Variants in KCNN2 observed in about 807,000 individuals in gnomAD.
The protein encoded by KCNN2 is small conductance calcium-activated potassium channel protein 2.
KCNN2 carries 24 observed loss-of-function variants against 55.5 expected under a neutral mutation model. That is an observed-to-expected ratio of 0.43 (90% CI 0.31 to 0.61). KCNN2 has a LOEUF of 0.61. Among genes scored for constraint, KCNN2 ranks in the 20% least tolerant of loss-of-function variants. The probability of loss-of-function intolerance (pLI) is 0.08; values close to 1 mark genes in which losing one functional copy is unlikely to be tolerated. For synonymous variants in KCNN2, 431 were observed against 336.1 expected (o/e 1.28, Z -3.09); for missense variants, 754 against 853.6 (o/e 0.88, Z 1.45).
At chr5:114,063,460 C>T (rs1223493962) in intron 1 of KCNN2, among the ~76,000 whole-genome samples, 1 of 152,118 alleles carries the variant, frequency 6.6e-6, no homozygotes, top group East Asian at 1.9e-4. Flanking sequence ...TTTCTGGGTC[C>T]CACTCCCAGA....
chr5:114,070,604 C>T (rs557275853), intron 1 of KCNN2, among the ~76,000 whole-genome samples: 3 of 152,270 alleles, frequency 2.0e-5, no homozygotes, highest in East Asian at 1.9e-4. Context: ...GGTCCAGAAA[C>T]GTGTGTTGCC....
chr5:114,412,530 A>G (rs1356235688), intron 3 of KCNN2, among the ~76,000 whole-genome samples: 31 of 152,206 alleles, frequency 2.0e-4, no homozygotes, highest in Non-Finnish European at 1.5e-5. Flanking sequence ...GCCAGTTGTC[A>G]TGGAGGAAGG....
chr5:114,122,480 C>A (rs1751846134), intron 1 of KCNN2, among the ~76,000 whole-genome samples: 1 of 152,156 alleles, frequency 6.6e-6, no homozygotes, highest in South Asian at 2.1e-4. Context: ...AATCACTATA[C>A]CTTATACGAG....
chr5:114,477,616 T>C (rs1022988041), intron 5 of KCNN2, among the ~76,000 whole-genome samples: 1 of 152,194 alleles, frequency 6.6e-6, no homozygotes, highest in Non-Finnish European at 1.5e-5. Context: ...ATTTAATAGA[T>C]TTACAGTTTA....
In KCNN2 at chr5:114,363,936, C is replaced by A; in HGVS notation, c.1153C>A (p.Leu385Ile). The A allele has an allele frequency of 6.2e-7, 1 of 1,614,010 alleles. No individual in the cohort carries two copies. Among genetic ancestry groups the A allele is most frequent in the African/African-American group, 1.3e-5 (1 of 75,032 alleles). ...ASLYSLALKC[L>I]ISLSTIILLG... Reference sequence around the variant, plus strand: ...GCTGTATTCCTTAGCTCTGAAATGCCTTATCAGTCTCTCCACGATCATCCT... The same window carrying A: ...GCTGTATTCCTTAGCTCTGAAATGCATTATCAGTCTCTCCACGATCATCCT... The change falls in exon 2 of 8, where the codon CTT becomes ATT. Residue 385 changes from leucine to isoleucine, a missense_variant. Transcript: ENST00000673685.
At chr5:114,181,764 C>A (rs1364697033) in intron 1 of KCNN2, among the ~76,000 whole-genome samples, 2 of 152,114 alleles carry the variant, frequency 1.3e-5, no homozygotes, top group Non-Finnish European at 2.9e-5. Flanking sequence ...CGCCTGTAAT[C>A]CCAGCACTTT....
intron 1 of KCNN2, among the ~76,000 whole-genome samples, chr5:114,111,113 T>A (rs1166607690): frequency 1.3e-5 from 2 of 152,116 alleles, no homozygotes; most frequent in South Asian, 4.1e-4. Context: ...AACAGCATGG[T>A]ACTGTTACCA....
chr5:114,121,251 C>G (rs1751825490), intron 1 of KCNN2, among the ~76,000 whole-genome samples: 1 of 152,194 alleles, frequency 6.6e-6, no homozygotes, highest in Non-Finnish European at 1.5e-5. Flanking sequence ...GACTCAAATG[C>G]CAGGACTCTG....
At chr5:114,348,034 C>G (rs866973011) in intron 2 of KCNN2, among the ~76,000 whole-genome samples, 5 of 152,144 alleles carry the variant, frequency 3.3e-5, no homozygotes, top group Non-Finnish European at 7.4e-5. Context: ...GTCTTCTTGA[C>G]CACTGAGTCC....
At chr5:114,297,694 A>T (rs555073989) in intron 2 of KCNN2, among the ~76,000 whole-genome samples, 1 of 152,310 alleles carries the variant, frequency 6.6e-6, no homozygotes, top group South Asian at 2.1e-4. Flanking sequence ...TAAAAGAGTG[A>T]AACAATCTAA....
At chr5:114,356,374 GGTGTT>G (rs1470978770) in intron 2 of KCNN2, among the ~76,000 whole-genome samples, 1 of 152,096 alleles carries the variant, frequency 6.6e-6, no homozygotes, top group African/African-American at 2.4e-5. Context: ...TCTAGATTTG[GGTGTT>G]GTGTTTCTAG....
chr5:114,209,620 G>A (rs1042089713), intron 1 of KCNN2, among the ~76,000 whole-genome samples: 1 of 152,070 alleles, frequency 6.6e-6, no homozygotes, highest in Non-Finnish European at 1.5e-5. Context: ...GAGGAATGAG[G>A]ATGTGGGTTT....
rs564302876 is a variant in KCNN2, at chr5:114,089,283, A to G, written c.-271+32783A>G. On this transcript the variant is annotated intron_variant, in intron 1 of 10. Transcript: ENST00000512097. ...TTTGAGACTTAAGCTTTGTTTGGGT[A>G]GATCTAGAATAGCCATTATCACAGG... 6.2e-4 allele frequency among the ~76,000 whole-genome samples: 94 copies of G among 152,344 alleles called. 1 individual carries two copies. The highest frequency in any genetic ancestry group is 2.0e-3 in the African/African-American group (82 of 41,588).
At position 114,381,939 on chromosome 5, in the gene KCNN2, G is replaced by A. The variant is rs529594666; in HGVS notation, c.1218+17938G>A. On this transcript the variant is annotated intron_variant, in intron 2 of 7. Coordinates refer to ENST00000673685, the MANE Select transcript of KCNN2 (RefSeq NM_021614.4). ...ATAGTGCTGGGTGATGCAGGGATGG[G>A]AGTTGGATACCTGTCTGTTGATGGT... 3.6e-3 allele frequency among the ~76,000 whole-genome samples: 554 copies of A among 152,278 alleles called. 3 individuals carry two copies. Among genetic ancestry groups the A allele is most frequent in the Middle Eastern group, 0.027 (8 of 294 alleles).
intron 2 of KCNN2, among the ~76,000 whole-genome samples, chr5:114,327,502 A>T (rs1334781278): frequency 2.0e-5 from 3 of 152,244 alleles, no homozygotes; most frequent in Non-Finnish European, 4.4e-5. Flanking sequence ...TTCTGAAAAG[A>T]TAAAAAACGC....
chr5:114,161,508 T>G (rs1390134857), intron 1 of KCNN2, among the ~76,000 whole-genome samples: 1 of 151,924 alleles, frequency 6.6e-6, no homozygotes, highest in Admixed American at 6.6e-5. Context: ...AGGAGTATCT[T>G]TGTGGCGTTC....
intron 4 of KCNN2, among the ~76,000 whole-genome samples, chr5:114,469,726 A>G (rs1052589439): frequency 6.6e-6 from 1 of 152,226 alleles, no homozygotes; most frequent in Non-Finnish European, 1.5e-5. Flanking sequence ...CATTACTTAA[A>G]TTACTATAAC....
At chr5:114,130,503 C>T (rs1752050231) in intron 1 of KCNN2, among the ~76,000 whole-genome samples, 1 of 152,146 alleles carries the variant, frequency 6.6e-6, no homozygotes, top group African/African-American at 2.4e-5. Flanking sequence ...GGACCTATTG[C>T]CTAGCTCTGT....
intron 2 of KCNN2, among the ~76,000 whole-genome samples, chr5:114,369,592 G>A (rs1757704527): frequency 6.6e-6 from 1 of 152,096 alleles, no homozygotes; most frequent in Admixed American, 6.5e-5. Context: ...TTGTTGAGTG[G>A]TGTTCAGCTC....
Sources: allele counts gnomAD v4.1 joint callset (sites outside exome capture counted in the v4.1 genomes callset), GRCh38; gene constraint gnomAD v4.1.1; transcripts MANE v1.5; gene names NCBI Gene and HGNC (gene_info 2026-07-23, HGNC 2026-07-21).